FAT4: variants seen among roughly 807,000 people sequenced by gnomAD.
FAT4 encodes FAT atypical cadherin 4, also known as protocadherin Fat 4.
Under a neutral mutation model 303.9 loss-of-function variants are expected in FAT4, and 84 were observed. The ratio of observed to expected loss-of-function variants is 0.28; its 90% confidence interval spans 0.23 to 0.33. FAT4 has a LOEUF of 0.33. Among genes scored for constraint, FAT4 ranks in the 10% least tolerant of loss-of-function variants. The pLI, the probability that FAT4 is intolerant of heterozygous loss-of-function variation, is 1.00. For synonymous variants in FAT4, 2,307 were observed against 2,298.8 expected (o/e 1.00, Z -0.10); for missense variants, 6,005 against 6,146.8 (o/e 0.98, Z 0.77).
At chr4:125,381,509 T>TA (rs1733542130) in intron 2 of FAT4, among the ~76,000 whole-genome samples, 1 of 152,220 alleles carries the variant, frequency 6.6e-6, no homozygotes, top group Non-Finnish European at 1.5e-5. Flanking sequence ...ATTACATTTT[T>TA]AAAAAACAAT....
intron 16 of FAT4, among the ~76,000 whole-genome samples, chr4:125,482,403 T>G (rs1293552542): frequency 6.6e-6 from 1 of 152,168 alleles, no homozygotes; most frequent in Admixed American, 6.6e-5. Context: ...GATACTAGAC[T>G]TATATACAGA....
At position 125,315,220 on chromosome 4, in the gene FAT4, T is replaced by A. The variant is rs900785229; in HGVS notation, c.-770T>A. ...CCCCGGCCGGCGAGAGGGAGAGCGC[T>A]GACAGGCGCCGTCCGGAGCTGCGGA... On this transcript the variant is annotated 5_prime_UTR_variant, in exon 1 of 18. Coordinates refer to ENST00000394329, the MANE Select transcript of FAT4 (RefSeq NM_001291303.3). 6.6e-6 allele frequency among the ~76,000 whole-genome samples: 1 copy of A among 151,704 alleles called. No homozygotes were observed. The highest frequency in any genetic ancestry group is 1.5e-5 in the Non-Finnish European group (1 of 67,914).
chr4:125,436,627 T>C, intron 8 of FAT4, among the ~76,000 whole-genome samples: 1 of 152,146 alleles, frequency 6.6e-6, no homozygotes, highest in East Asian at 1.9e-4. Context: ...TAGTTCCACA[T>C]TGGCTGGGGA....
chr4:125,480,980 C>A (rs1047830971), intron 15 of FAT4, among the ~76,000 whole-genome samples: 1 of 151,686 alleles, frequency 6.6e-6, no homozygotes, highest in African/African-American at 2.4e-5. Flanking sequence ...GGATTTTTTT[C>A]AGATTACAAT....
rs529296427 is a variant in FAT4, at chr4:125,491,406, G to A, written c.14590G>A (p.Val4864Ile). The change falls in exon 18 of 18, where the codon GTA (valine) becomes ATA (isoleucine). Residue 4864 changes from valine (V) to isoleucine (I), a missense_variant. By Grantham distance (29) the Val-to-Ile change is conservative. Coordinates refer to ENST00000394329, the MANE Select transcript of FAT4 (RefSeq NM_001291303.3). The part of the protein sequence containing the change: ...EMEYDREKPM[V>I]YTSRMPKLSQ... ...GGAATATGACAGGGAGAAGCCAATG[G>A]TATATACTTCCAGAATGCCCAAATT... 1.2e-5 allele frequency: 20 copies of A among 1,614,126 alleles called. No individual in the cohort carries two copies. The highest frequency in any genetic ancestry group is 1.1e-4 in the South Asian group (10 of 91,082).
chr4:125,363,266 T>C (rs1732739780), intron 2 of FAT4, among the ~76,000 whole-genome samples: 1 of 151,648 alleles, frequency 6.6e-6, no homozygotes, highest in South Asian at 2.1e-4. Flanking sequence ...TGGGTGCTTA[T>C]ATATATTTAT....
intron 16 of FAT4, among the ~76,000 whole-genome samples, chr4:125,483,679 A>T (rs1386124625): frequency 6.6e-6 from 1 of 152,220 alleles, no homozygotes; most frequent in Non-Finnish European, 1.5e-5. Flanking sequence ...TGAATAATAC[A>T]GACCAAAATG....
At position 125,477,048 on chromosome 4, in the gene FAT4, A is replaced by AT; in HGVS notation, c.12300-106dup. 3 of 832,680 alleles carry AT rather than the reference A, an allele frequency of 3.6e-6. No homozygotes were observed. In the South Asian group the frequency reaches 1.5e-4, roughly 40 times the overall value. 51.6% of individuals were successfully genotyped at this position (832,680 alleles called of 1,614,324 possible). ...ATTTTCCATTGAAATTTATCACACTATAATAAATGTCAAAAAAAAGCTATA... is the reference window on the plus strand; with the variant it reads ...ATTTTCCATTGAAATTTATCACACTATTAATAAATGTCAAAAAAAAGCTATA... On this transcript the variant is annotated intron_variant, in intron 13 of 17. Transcript: ENST00000394329.
chr4:125,454,448 C>T (rs936982714), intron 10 of FAT4, among the ~76,000 whole-genome samples: 3 of 152,210 alleles, frequency 2.0e-5, no homozygotes, highest in African/African-American at 7.2e-5. Context: ...GTCACCTAAC[C>T]TTAGCTGATT....
At chr4:125,349,638 G>T (rs1250074469) in intron 2 of FAT4, among the ~76,000 whole-genome samples, 1 of 151,642 alleles carries the variant, frequency 6.6e-6, no homozygotes, top group East Asian at 1.9e-4. Flanking sequence ...TATATGACAT[G>T]CATGATTCAA....
At chr4:125,393,847 T>C in intron 2 of FAT4, 1 of 684,192 alleles carries the variant, frequency 1.5e-6, no homozygotes, top group Non-Finnish European at 2.7e-6. Context: ...TGTGTTTGTC[T>C]CTAAATAAAA....
rs139260545 is a variant in FAT4 at position 125,489,927 on chromosome 4, A to G, written c.13111A>G (p.Met4371Val). Residue 4371 changes from methionine (M) to valine (V), a missense_variant, in exon 18 of 18, where the codon ATG becomes GTG. Met to Val is a conservative substitution (Grantham distance 21). Transcript: ENST00000394329. ...TAGFDGCIAS[M>V]WYGGESLPFS... Reference sequence around the variant, plus strand: ...AGGTTTTGATGGCTGCATTGCTTCTATGTGGTATGGTGGAGAAAGTCTTCC... The same window carrying G: ...AGGTTTTGATGGCTGCATTGCTTCTGTGTGGTATGGTGGAGAAAGTCTTCC... 867 of 1,452,002 alleles carry G rather than the reference A, an allele frequency of 6.0e-4. 3 individuals are homozygous for G. The highest frequency in any genetic ancestry group is 4.7e-3 in the East Asian group (143 of 30,360). The allele number at this position is 1,452,002 out of a possible 1,614,324, so 89.9% of individuals were successfully genotyped here. A position where few individuals can be genotyped will look rare whatever the true frequency, so the allele number is the denominator to read the frequency against.
At chr4:125,358,992 G>T (rs971423337) in intron 2 of FAT4, among the ~76,000 whole-genome samples, 1 of 152,086 alleles carries the variant, frequency 6.6e-6, no homozygotes, top group African/African-American at 2.4e-5. Flanking sequence ...GTTTTATTAA[G>T]TATTTAATTG....
At chr4:125,376,767 C>T (rs560036183) in intron 2 of FAT4, among the ~76,000 whole-genome samples, 14 of 152,028 alleles carry the variant, frequency 9.2e-5, no homozygotes, top group African/African-American at 2.7e-4. Flanking sequence ...GGCGTGGTGG[C>T]GCATGCCTGC....
Position 125,403,658 on chromosome 4 carries a change from T to C in FAT4, c.5308-3222T>C, listed in dbSNP as rs1419599797. On this transcript the variant is annotated intron_variant, in intron 3 of 17. Transcript: ENST00000394329. ...ATGATGCTATTCTTTAATCCCTAAA[T>C]ACACCGCAAATAAAATTTCACTTCC... Among the ~76,000 whole-genome samples, 3 of 152,250 alleles carry C rather than the reference T, an allele frequency of 2.0e-5. No individual in the cohort carries two copies. The East Asian group carries it at 5.8e-4, about 29-fold the overall frequency.
chr4:125,359,823 GT>G (rs1439888211), intron 2 of FAT4, among the ~76,000 whole-genome samples: 2 of 152,068 alleles, frequency 1.3e-5, no homozygotes, highest in Non-Finnish European at 2.9e-5. Context: ...GAGGGAGGTT[GT>G]TTCATTTTGT....
At chr4:125,468,441 T>C in intron 11 of FAT4, 71 bp from the exon 12 acceptor site, 1 of 1,105,666 alleles carries the variant, frequency 9.0e-7, no homozygotes. Flanking sequence ...AATTCAAAAA[T>C]ATTTTAATCA....
chr4:125,317,316 C>T lies in FAT4; in HGVS notation c.905C>T (p.Thr302Met), dbSNP rs769825275. 1.1e-5 allele frequency: 18 copies of T among 1,605,952 alleles called. No homozygotes were observed. The highest frequency in any genetic ancestry group is 1.4e-5 in the Non-Finnish European group (16 of 1,174,544). Residue 302 changes from threonine (T) to methionine (M), a missense_variant, in exon 2 of 18, where the codon ACG (threonine) becomes ATG (methionine). Transcript: ENST00000394329. The surrounding 1 kb of genome is among the most constrained non-coding windows in gnomAD (Gnocchi z 7.0). ...EGTPFQMDPE[T>M]GLITVREPLD... Reference sequence around the variant, plus strand: ...ACCCCCTTCCAAATGGACCCTGAGACGGGACTTATCACGGTGCGGGAGCCC... The same window carrying T: ...ACCCCCTTCCAAATGGACCCTGAGATGGGACTTATCACGGTGCGGGAGCCC...
In FAT4 at chr4:125,452,938, A is replaced by G; in HGVS notation, c.11800+128A>G. 5.8e-6 allele frequency: 7 copies of G among 1,199,166 alleles called. No individual in the cohort carries two copies. The East Asian group carries it at 7.2e-5, about 12-fold the overall frequency. 74.3% of individuals were successfully genotyped at this position (1,199,166 alleles called of 1,614,324 possible). ...ATAATAGTAACAAATGTTTTTAAAC[A>G]TTTACTGTTGGTCAAATACTGTTCT... On this transcript the variant is annotated intron_variant, in intron 10 of 17. Coordinates refer to ENST00000394329, the MANE Select transcript of FAT4 (RefSeq NM_001291303.3).
Sources: allele counts gnomAD v4.1 joint callset (sites outside exome capture counted in the v4.1 genomes callset), GRCh38; gene constraint gnomAD v4.1.1; non-coding constraint Gnocchi (gnomAD v3.1); transcripts MANE v1.5; gene names NCBI Gene and HGNC (gene_info 2026-07-23, HGNC 2026-07-21).